Variants in TASOR2 observed in about 807,000 individuals in gnomAD.
The protein encoded by TASOR2 is transcription activation suppressor family member 2.
A neutral mutation model predicts 199.5 loss-of-function variants in TASOR2; 84 were observed. The ratio of observed to expected loss-of-function variants is 0.42; its 90% CI spans 0.35 to 0.50. The LOEUF (loss-of-function observed/expected upper bound fraction) is 0.50. Among genes scored for constraint, TASOR2 ranks in the 20% least tolerant of loss-of-function variants. The probability of loss-of-function intolerance (pLI) is 0.02; values close to 1 mark genes in which losing one functional copy is unlikely to be tolerated. For synonymous variants in TASOR2, 1,103 were observed against 1,046.6 expected, an observed-to-expected ratio of 1.05 and a Z score of -1.04; for missense variants, 2,796 against 2,835.9, an observed-to-expected ratio of 0.99 and a Z score of 0.32.
intron 7 of TASOR2, 106 bp downstream of exon 8, chr10:5,723,883 G>T (rs1833697658): frequency 4.9e-6 from 3 of 614,150 alleles, no homozygotes; most frequent in South Asian, 8.5e-5. Context: ...CATCATAAGT[G>T]ACTCTTAAAA....
rs374679390 is a variant in TASOR2 at position 5,750,051 on chromosome 10, G to A, written c.6606+24G>A. 2.4e-5 allele frequency: 37 copies of A among 1,541,126 alleles called. No individual in the cohort carries two copies. Among genetic ancestry groups the A allele is most frequent in the East Asian group, 1.4e-4 (6 of 44,114 alleles). ...AGGTAAAGTGCCAGCCACGTCTTAC[G>A]TATTATTTTAATTGCTGATTTTAGT... On this transcript the variant is annotated intron_variant, in intron 15 of 20. Transcript: ENST00000328090. The surrounding 1 kb of genome is among the most constrained non-coding windows in gnomAD (Gnocchi z 5.4).
intron 2 of TASOR2, among the ~76,000 whole-genome samples, chr10:5,715,902 A>G (rs1265389466): frequency 6.6e-6 from 1 of 152,146 alleles, no homozygotes; most frequent in African/African-American, 2.4e-5. Context: ...TGGCCTCCCA[A>G]AGTGCTGGGA....
Position 5,699,986 on chromosome 10 carries a change from A to C in TASOR2, c.-287-12837A>C, listed in dbSNP as rs1326513639. On this transcript the variant is annotated intron_variant, in intron 1 of 20. Coordinates refer to ENST00000328090, the Ensembl canonical transcript of TASOR2. This position sits in a 1 kb window ranked among gnomAD's most constrained non-coding sequence, Gnocchi z 4.1. ...CCACTCAAATTCTATTCATTTTGAA[A>C]TATATAATAGATTGTAAACTACAGT... is the stretch of plus-strand genomic sequence containing the variant. Among the ~76,000 whole-genome samples the C allele has an allele frequency of 6.6e-6, 1 of 152,176 alleles. No individual in the cohort carries two copies. The highest frequency in any genetic ancestry group is 1.9e-4 in the East Asian group (1 of 5,206).
exon 9 of TASOR2, chr10:5,726,955 C>T: frequency 1.2e-6 from 2 of 1,613,880 alleles, no homozygotes; most frequent in Non-Finnish European, 1.7e-6. Flanking sequence ...CTATCAGAAC[C>T]AGGTATGGAG....
chr10:5,725,928 T>C (rs1246378985), intron 8 of TASOR2, among the ~76,000 whole-genome samples: 2 of 152,226 alleles, frequency 1.3e-5, no homozygotes, highest in Non-Finnish European at 2.9e-5. Context: ...GTGATTCTTT[T>C]TGAGAGTGAG....
At position 5,685,276 on chromosome 10, in the gene TASOR2, G is replaced by A. The variant is rs897321229; in HGVS notation, c.-288+101G>A. The A allele has an allele frequency of 5.0e-6, 2 of 396,902 alleles. No individual in the cohort carries two copies. Among genetic ancestry groups the A allele is most frequent in the Non-Finnish European group, 8.9e-6 (2 of 225,150 alleles). 24.6% of individuals were successfully genotyped at this position (396,902 alleles called of 1,614,324 possible). A position where few individuals can be genotyped will look rare whatever the true frequency, so the allele number is the denominator to read the frequency against. On this transcript the variant is annotated intron_variant, in intron 1 of 20. Transcript: ENST00000328090. The surrounding 1 kb of genome is among the most constrained non-coding windows in gnomAD (Gnocchi z 5.4). ...CAGCTGCCGGGGCTTGGCTGCGAGG[G>A]TCGACGCGTTCTCCTTGCCTTTTGC... is the stretch of plus-strand genomic sequence containing the variant.
At chr10:5,736,688 C>T (rs1245375911) in intron 12 of TASOR2, among the ~76,000 whole-genome samples, 5 of 152,168 alleles carry the variant, frequency 3.3e-5, no homozygotes, top group Non-Finnish European at 5.9e-5. Flanking sequence ...TAGATATAAC[C>T]TCTGTACTAG....
intron 1 of TASOR2, among the ~76,000 whole-genome samples, chr10:5,707,264 A>G (rs946916877): frequency 5.9e-5 from 9 of 152,228 alleles, no homozygotes; most frequent in Non-Finnish European, 1.3e-4. Flanking sequence ...AAATTTAACA[A>G]AATCCATCAG....
At chr10:5,735,653 T>G (rs1835469332) in intron 12 of TASOR2, 107 bp downstream of exon 13, 1 of 1,370,618 alleles carries the variant, frequency 7.3e-7, no homozygotes, top group Admixed American at 2.7e-5. Context: ...GTCCCAATAA[T>G]TTTTTCTGTG....
intron 1 of TASOR2, among the ~76,000 whole-genome samples, chr10:5,688,395 ATTTTTTTT>A (rs34362647): frequency 0.021 from 2,095 of 100,004 alleles, 39 homozygotes; most frequent in African/African-American, 0.076. Context: ...CTAATTTTTA[ATTTTTTTT>A]TTTTTTTTTT....
At chr10:5,705,109 G>A (rs1472064405) in intron 1 of TASOR2, among the ~76,000 whole-genome samples, 1 of 152,200 alleles carries the variant, frequency 6.6e-6, no homozygotes, top group Non-Finnish European at 1.5e-5. Context: ...AATAGTGTGT[G>A]TCCATCACCC....
intron 16 of TASOR2, 78 bp downstream of exon 17, chr10:5,756,816 T>C: frequency 6.8e-7 from 1 of 1,470,454 alleles, no homozygotes; most frequent in Non-Finnish European, 9.2e-7. Flanking sequence ...CATCCCTCTT[T>C]TTTTATGTAG....
intron 1 of TASOR2, among the ~76,000 whole-genome samples, chr10:5,704,905 C>T (rs951498685): frequency 4.6e-5 from 7 of 152,100 alleles, no homozygotes; most frequent in East Asian, 1.9e-4. Flanking sequence ...TGATTTTGGT[C>T]AGAGATCAGT....
At position 5,749,769 on chromosome 10, in the gene TASOR2, T is replaced by C. The variant is rs771229217; in HGVS notation, c.6348T>C (p.Ala2116=). 5 of 1,614,220 alleles carry C rather than the reference T, an allele frequency of 3.1e-6. No individual in the cohort carries two copies. The East Asian group carries it at 6.7e-5, about 22-fold the overall frequency. Reference sequence around the variant, plus strand: ...TTTCACTTATTCTCAATGAGTATGCTGAATTCAACAAGGTGATGAAGAATA... The same window carrying C: ...TTTCACTTATTCTCAATGAGTATGCCGAATTCAACAAGGTGATGAAGAATA... The change falls in exon 15 of 21, where the codon GCT becomes GCC. Residue 2116 remains alanine (A), a synonymous_variant. Coordinates refer to ENST00000328090, the Ensembl canonical transcript of TASOR2.
chr10:5,714,465 A>T, intron 2 of TASOR2: 1 of 293,724 alleles, frequency 3.4e-6, no homozygotes, highest in Non-Finnish European at 6.2e-6. Flanking sequence ...AAGAATAGAA[A>T]ATAGAGCTGA....
intron 15 of TASOR2, among the ~76,000 whole-genome samples, chr10:5,756,402 ATTT>A (rs773683996): frequency 1.8e-3 from 276 of 152,268 alleles, no homozygotes; most frequent in Admixed American, 5.5e-3. Context: ...TTGATACTTT[ATTT>A]ACCTTTGAAA....
intron 1 of TASOR2, among the ~76,000 whole-genome samples, chr10:5,707,726 TCACACACACACA>T (rs5782856): frequency 0.18 from 22,746 of 128,912 alleles, 2,232 homozygotes; most frequent in Admixed American, 0.23. Context: ...TCACTCATTT[TCACACACACACA>T]CACACACACA....
intron 15 of TASOR2, among the ~76,000 whole-genome samples, chr10:5,756,183 C>T (rs1416836559): frequency 1.3e-5 from 2 of 152,142 alleles, no homozygotes; most frequent in South Asian, 2.1e-4. Flanking sequence ...TATTCTGAGA[C>T]GTAGACCCAA....
In TASOR2 at chr10:5,762,508, GTTGTTT is replaced by G; in HGVS notation, c.7175-21_7175-16del. ...AGTACATTAATTATATTAACCAAAA[GTTGTTT>G]TTTTTTTTTTTTAACAGACAAGCCT... On this transcript the variant is annotated intron_variant, in intron 19 of 20. Coordinates refer to ENST00000328090, the Ensembl canonical transcript of TASOR2. 4.1e-6 allele frequency: 2 copies of G among 486,718 alleles called. No individual in the cohort carries two copies. The highest frequency in any genetic ancestry group is 6.5e-6 in the Non-Finnish European group (2 of 309,654). 30.1% of individuals were successfully genotyped at this position (486,718 alleles called of 1,614,324 possible).
Sources: allele counts gnomAD v4.1 joint callset (sites outside exome capture counted in the v4.1 genomes callset), GRCh38; gene constraint gnomAD v4.1.1; non-coding constraint Gnocchi (gnomAD v3.1); transcripts MANE v1.5; gene names NCBI Gene and HGNC (gene_info 2026-07-23, HGNC 2026-07-21).